Variants in CDH13 observed in about 807,000 individuals in gnomAD.
The protein encoded by CDH13 is cadherin-13.
A neutral mutation model predicts 63.8 loss-of-function variants in CDH13; 24 were observed. That is an observed-to-expected ratio of 0.38 (90% CI 0.27 to 0.53). The LOEUF is 0.53. Ranked by LOEUF, CDH13 falls within the 20% of genes least tolerant of loss-of-function variation. CDH13 has a pLI of 0.85. For missense variants in CDH13, 1,049 were observed against 903.1 expected (o/e 1.16, Z -2.07); for synonymous variants, 503 against 355.3 (o/e 1.42, Z -4.67).
intron 5 of CDH13, among the ~76,000 whole-genome samples, chr16:83,260,239 G>T (rs1328704155): frequency 6.6e-6 from 1 of 151,742 alleles, no homozygotes; most frequent in Non-Finnish European, 1.5e-5. Flanking sequence ...TACTGGTCAT[G>T]ACCTATAAAT....
intron 2 of CDH13, among the ~76,000 whole-genome samples, chr16:83,006,111 A>C (rs1475513891): frequency 6.6e-6 from 1 of 152,216 alleles, no homozygotes; most frequent in Non-Finnish European, 1.5e-5. Flanking sequence ...TACTGGCGTC[A>C]GCTCTCCTTT....
intron 1 of CDH13, among the ~76,000 whole-genome samples, chr16:82,701,634 T>C (rs1246818149): frequency 6.6e-6 from 1 of 152,138 alleles, no homozygotes; most frequent in Non-Finnish European, 1.5e-5. Context: ...TGCTCTGTGA[T>C]CACATGTCTC....
chr16:83,225,703 C>T (rs988381257), intron 5 of CDH13, among the ~76,000 whole-genome samples: 3 of 152,154 alleles, frequency 2.0e-5, no homozygotes, highest in African/African-American at 7.2e-5. Context: ...CCTGAATGCC[C>T]AAGCTGCACT....
chr16:83,536,954 G>GGT (rs1598247693), intron 7 of CDH13, among the ~76,000 whole-genome samples: 2 of 152,312 alleles, frequency 1.3e-5, no homozygotes, highest in African/African-American at 4.8e-5. Context: ...TCATGCCACA[G>GGT]GTGTTTCATC....
intron 5 of CDH13, among the ~76,000 whole-genome samples, chr16:83,274,715 C>T (rs918593744): frequency 1.3e-5 from 2 of 151,326 alleles, no homozygotes; most frequent in Admixed American, 1.3e-4. Context: ...GGTTCTCAAA[C>T]ACCTGGTGGC....
chr16:83,299,732 T>A (rs75203788), intron 5 of CDH13, among the ~76,000 whole-genome samples: 2 of 152,248 alleles, frequency 1.3e-5, no homozygotes, highest in East Asian at 3.8e-4. Context: ...TTGTTATTAC[T>A]GCAATCTCAA....
chr16:83,218,714 A>T (rs568514377), intron 5 of CDH13, among the ~76,000 whole-genome samples: 2 of 152,288 alleles, frequency 1.3e-5, no homozygotes, highest in Admixed American at 1.3e-4. Flanking sequence ...TAACAGAGTG[A>T]TCAAGAGCTG....
At chr16:83,301,809 C>T (rs1358075179) in intron 5 of CDH13, among the ~76,000 whole-genome samples, 1 of 151,772 alleles carries the variant, frequency 6.6e-6, no homozygotes. Context: ...TTGGCAGACA[C>T]AGAGTCACCA....
At chr16:82,987,725 G>A (rs1023745309) in intron 2 of CDH13, among the ~76,000 whole-genome samples, 1 of 152,160 alleles carries the variant, frequency 6.6e-6, no homozygotes, top group African/African-American at 2.4e-5. Flanking sequence ...CTGGTCACTG[G>A]TTGAATCGCA....
At chr16:82,901,324 CTGTGTGTGTGTGTGTGTG>C (rs61370328) in intron 2 of CDH13, among the ~76,000 whole-genome samples, 2 of 130,416 alleles carry the variant, frequency 1.5e-5, no homozygotes, top group African/African-American at 6.0e-5. Flanking sequence ...TAGTATTCTC[CTGTGTGTGTGTGTGTGTG>C]TGTGTGTGTG....
intron 7 of CDH13, among the ~76,000 whole-genome samples, chr16:83,521,290 G>A (rs182832234): frequency 6.6e-6 from 1 of 151,664 alleles, no homozygotes; most frequent in Non-Finnish European, 1.5e-5. Context: ...CGGCCACCCT[G>A]TATGACTGTG....
intron 8 of CDH13, among the ~76,000 whole-genome samples, chr16:83,612,250 A>T (rs1057314302): frequency 6.6e-6 from 1 of 152,086 alleles, no homozygotes; most frequent in Admixed American, 6.5e-5. Flanking sequence ...CTTTACCATC[A>T]TGAAATGTAC....
intron 2 of CDH13, among the ~76,000 whole-genome samples, chr16:83,028,741 C>G (rs1405885075): frequency 2.0e-5 from 3 of 152,134 alleles, no homozygotes; most frequent in Non-Finnish European, 4.4e-5. Context: ...CAATTTGAAA[C>G]TTATGAATTG....
chr16:83,467,787 A>G lies in CDH13; in HGVS notation c.782-18690A>G, dbSNP rs541717781. ...CCGGCTGTGTAACCCTGAGCCAGTC[A>G]CTTCTGTTCTCCCACTAACCAAACA... On this transcript the variant is annotated intron_variant, in intron 6 of 13. Transcript: ENST00000567109. Among the ~76,000 whole-genome samples, 207 of 152,190 alleles carry G rather than the reference A, an allele frequency of 1.4e-3. 4 individuals are homozygous for G. In the South Asian group the frequency reaches 0.04, roughly 29 times the overall value.
intron 8 of CDH13, among the ~76,000 whole-genome samples, chr16:83,644,758 C>G (rs1218662463): frequency 6.6e-6 from 1 of 152,094 alleles, no homozygotes; most frequent in African/African-American, 2.4e-5. Flanking sequence ...AGTGGGGGTC[C>G]CCAGTGAAGT....
At chr16:83,049,558 A>G (rs545785560) in intron 3 of CDH13, among the ~76,000 whole-genome samples, 7 of 152,076 alleles carry the variant, frequency 4.6e-5, no homozygotes, top group African/African-American at 1.7e-4. Flanking sequence ...GATGGTGTCA[A>G]TCTCCTGACC....
At chr16:83,667,195 A>G (rs1567499624) in intron 8 of CDH13, among the ~76,000 whole-genome samples, 1 of 152,178 alleles carries the variant, frequency 6.6e-6, no homozygotes, top group Non-Finnish European at 1.5e-5. Flanking sequence ...TGAGGGCCAC[A>G]ATGCACATCT....
At chr16:83,099,837 C>T (rs1014894842) in intron 3 of CDH13, among the ~76,000 whole-genome samples, 13 of 152,068 alleles carry the variant, frequency 8.5e-5, no homozygotes, top group South Asian at 2.1e-4. Flanking sequence ...TAGCGCCAGA[C>T]GCGGGAGAGC....
intron 1 of CDH13, among the ~76,000 whole-genome samples, chr16:82,854,508 A>G (rs757417101): frequency 6.6e-6 from 1 of 152,190 alleles, no homozygotes; most frequent in South Asian, 2.1e-4. Flanking sequence ...GAAGTCCTAA[A>G]TTAGCCTGGA....
Sources: gnomAD v4.1 joint callset for allele counts (sites outside exome capture counted in the v4.1 genomes callset) on GRCh38, gnomAD v4.1.1 for gene constraint, MANE v1.5 for transcripts, NCBI Gene and HGNC (gene_info 2026-07-23, HGNC 2026-07-21) for gene names.